COL4A3: variants seen among roughly 807,000 people sequenced by gnomAD.
The protein encoded by COL4A3 is collagen alpha-3(IV) chain.
Under a neutral mutation model 217.4 loss-of-function variants are expected in COL4A3, and 135 were observed. That is an observed-to-expected ratio of 0.62 (90% confidence interval 0.54 to 0.72). The LOEUF is 0.72. COL4A3 is among the 30% of genes least tolerant of loss of function. COL4A3 has a pLI of 0.00. For synonymous variants in COL4A3, 690 were observed against 736.3 expected (o/e 0.94, Z 1.02); for missense variants, 1,868 against 2,119.9 (o/e 0.88, Z 2.33).
intron 27 of COL4A3, 43 bp downstream of exon 27, chr2:227,276,520 C>T (rs749811863): frequency 1.5e-6 from 2 of 1,370,510 alleles, no homozygotes; most frequent in Non-Finnish European, 1.0e-6. Flanking sequence ...ATCAGACACA[C>T]ACAACACCCT....
Position 227,216,311 on chromosome 2 carries a change from A to G in COL4A3, c.88-21657A>G, listed in dbSNP as rs2125805253. 2.6e-5 allele frequency among the ~76,000 whole-genome samples: 4 copies of G among 152,292 alleles called. 1 individual carries two copies. In the South Asian group the frequency reaches 8.3e-4, roughly 32 times the overall value. On this transcript the variant is annotated intron_variant, in intron 1 of 51. Transcript: ENST00000396578. ...ATATATTTTATTGTAAAATGTACTGACTGGGTATATAAACGCCACCCTTTC... is the reference window on the plus strand; with the variant it reads ...ATATATTTTATTGTAAAATGTACTGGCTGGGTATATAAACGCCACCCTTTC...
intron 41 of COL4A3, 105 bp from the exon 42 acceptor site, chr2:227,297,569 A>G (rs1010022190): frequency 3.0e-6 from 3 of 1,000,170 alleles, no homozygotes; most frequent in Non-Finnish European, 4.5e-6. Context: ...TATATTCTGA[A>G]TCTGAACACT....
rs376295349 is a variant in COL4A3, at chr2:227,185,055, C to T, written c.87+20242C>T. 1.6e-4 allele frequency among the ~76,000 whole-genome samples: 24 copies of T among 151,990 alleles called. No homozygotes were observed. The East Asian group carries it at 4.1e-3, about 26-fold the overall frequency. On this transcript the variant is annotated intron_variant, in intron 1 of 51. Transcript: ENST00000396578. ...TAGCTGGGACTACAGGCGCCCGCCACACGCCCAGCTAATTTTTTGTATTTT... is the reference window on the plus strand; with the variant it reads ...TAGCTGGGACTACAGGCGCCCGCCATACGCCCAGCTAATTTTTTGTATTTT...
intron 1 of COL4A3, among the ~76,000 whole-genome samples, chr2:227,175,736 A>G (rs1031690161): frequency 2.0e-5 from 3 of 152,172 alleles, no homozygotes; most frequent in Admixed American, 1.3e-4. Flanking sequence ...AGGCCTCTAC[A>G]TGGCTGTCTA....
intron 41 of COL4A3, chr2:227,296,450 T>A (rs6436676): frequency 0.024 from 22,290 of 942,374 alleles, 384 homozygotes; most frequent in African/African-American, 0.08. Context: ...ATAGCCTAAT[T>A]ATGTAAGTGA....
intron 21 of COL4A3, 71 bp from the exon 22 acceptor site, chr2:227,266,346 C>CAT (rs1283029797): frequency 4.5e-6 from 5 of 1,110,722 alleles, no homozygotes; most frequent in African/African-American, 1.6e-5. Context: ...TTAAATAATA[C>CAT]ATATATTACA....
At position 227,164,788 on chromosome 2, in the gene COL4A3, T is replaced by TGGC; in HGVS notation, c.70_72dup (p.Ala24dup). 1 of 1,519,926 alleles carries TGGC rather than the reference T, an allele frequency of 6.6e-7. No homozygotes were observed. The highest frequency in any genetic ancestry group is 8.8e-7 in the Non-Finnish European group (1 of 1,140,868). The allele number at this position is 1,519,926 out of a possible 1,614,324, so 94.2% of individuals were successfully genotyped here. A position where few individuals can be genotyped will look rare whatever the true frequency, so the allele number is the denominator to read the frequency against. ...CTGCTGCCGCTCCTGCTGGTGCTCC[T>TGGC]GGCGGCGGCGCCCGCAGCCAGCAAG... On this transcript the variant is annotated inframe_insertion, in exon 1 of 52. Transcript: ENST00000396578. This position sits in a 1 kb window ranked among gnomAD's most constrained non-coding sequence, Gnocchi z 4.8.
chr2:227,189,758 G>A (rs1418512822), intron 1 of COL4A3, among the ~76,000 whole-genome samples: 1 of 152,094 alleles, frequency 6.6e-6, no homozygotes, highest in Non-Finnish European at 1.5e-5. Flanking sequence ...AGAAGTCATG[G>A]AGGTTTCAGG....
At position 227,290,088 on chromosome 2, in the gene COL4A3, G is replaced by A. The variant is rs1478328374; in HGVS notation, c.3070G>A (p.Gly1024Ser). The A allele has an allele frequency of 6.2e-7, 1 of 1,613,972 alleles. No homozygotes were observed. The highest frequency in any genetic ancestry group is 1.1e-5 in the South Asian group (1 of 91,084). Residue 1024 changes from glycine (G) to serine (S), a missense_variant and splice_region_variant, in exon 36 of 52, where the codon GGT becomes AGT. Around this residue, in one of 2 missense-constraint regions of COL4A3, gnomAD observed 1,503 missense variants for 1,786.1 expected, o/e 0.84. Coordinates refer to ENST00000396578, the MANE Select transcript of COL4A3 (RefSeq NM_000091.5). Reference protein sequence around the residue: ...PGSMGNMGMPGSKGKRGTLGF... With the variant: ...PGSMGNMGMPSSKGKRGTLGF... ...AAGCATGGGGAACATGGGCATGCCA[G>A]GTAATGCATAAGGTCCTGTTATGAG...
In COL4A3 at chr2:227,303,948, C is replaced by T; in HGVS notation, c.4027+18C>T. On this transcript the variant is annotated intron_variant, in intron 45 of 51. Coordinates refer to ENST00000396578, the MANE Select transcript of COL4A3 (RefSeq NM_000091.5). ...ACCACCTGGTAAATAAACGTCCTTA[C>T]TATTGCTGTCAATGAAGAAAGGTAA... is the stretch of plus-strand genomic sequence containing the variant. 4 of 1,614,244 alleles carry T rather than the reference C, an allele frequency of 2.5e-6. No individual in the cohort carries two copies. The highest frequency in any genetic ancestry group is 3.4e-6 in the Non-Finnish European group (4 of 1,180,038).
intron 51 of COL4A3, among the ~76,000 whole-genome samples, chr2:227,311,342 T>C (rs1343252623): frequency 6.6e-6 from 1 of 151,666 alleles, no homozygotes; most frequent in African/African-American, 2.4e-5. Context: ...ACTTCTTCCA[T>C]AAAGAGAAAT....
intron 42 of COL4A3, 28 bp from the exon 43 acceptor site, chr2:227,298,654 A>G: frequency 1.9e-6 from 3 of 1,613,042 alleles, no homozygotes; most frequent in Non-Finnish European, 2.5e-6. Context: ...CCTGGCTGGC[A>G]ATACTGACAG....
intron 1 of COL4A3, among the ~76,000 whole-genome samples, chr2:227,230,476 C>T (rs1336442248): frequency 1.3e-5 from 2 of 152,110 alleles, no homozygotes; most frequent in South Asian, 2.1e-4. Context: ...AAAAATGTTG[C>T]TTAAGAAATA....
chr2:227,222,019 C>T (rs2067814448), intron 1 of COL4A3, among the ~76,000 whole-genome samples: 1 of 151,518 alleles, frequency 6.6e-6, no homozygotes, highest in African/African-American at 2.4e-5. Context: ...CAGTGGTGCA[C>T]CTAAGTAGCT....
Position 227,249,230 on chromosome 2 carries a change from A to ATTTTTTTTTTTTTTT in COL4A3, c.546+719_546+733dup, listed in dbSNP as rs1247683938. On this transcript the variant is annotated intron_variant, in intron 9 of 51. Transcript: ENST00000396578. The stretch of plus-strand genomic sequence containing the variant: ...TTAGCTAGTATATATATATATATAT[A>ATTTTTTTTTTTTTTT]TTTTTTTTTTTTTTTTTTTTTTTGA... 4.1e-4 allele frequency among the ~76,000 whole-genome samples: 6 copies of ATTTTTTTTTTTTTTT among 14,692 alleles called. 1 individual carries two copies. Among genetic ancestry groups the ATTTTTTTTTTTTTTT allele is most frequent in the Non-Finnish European group, 6.2e-4 (5 of 8,024 alleles). The allele number at this position is 14,692 out of a possible 152,430, so 9.6% of individuals were successfully genotyped here.
chr2:227,229,981 G>A (rs1471675643), intron 1 of COL4A3, among the ~76,000 whole-genome samples: 6 of 151,618 alleles, frequency 4.0e-5, no homozygotes, highest in Admixed American at 3.9e-4. Context: ...AACTCGGGAG[G>A]TGGAGCTTGC....
chr2:227,284,332 A>T lies in COL4A3; in HGVS notation c.2868A>T (p.Glu956Asp), dbSNP rs777778320. 9.3e-6 allele frequency: 15 copies of T among 1,613,678 alleles called. No individual in the cohort carries two copies. The South Asian group carries it at 1.6e-4, about 18-fold the overall frequency. Residue 956 changes from glutamate (E) to aspartate (D), a missense_variant, in exon 34 of 52, where the codon GAA becomes GAT. Glu to Asp is a conservative substitution (Grantham distance 45, BLOSUM62 2). Transcript: ENST00000396578. ...CCCACGTAATAGGGGACAAAGGAGA[A>T]CCAGGTCTCAAAGGTAAAGAATTGC... ...EISHVIGDKGEPGLKGFAGNP... is the reference protein window; with the variant it reads ...EISHVIGDKGDPGLKGFAGNP...
intron 1 of COL4A3, among the ~76,000 whole-genome samples, chr2:227,204,418 G>A (rs1015760800): frequency 6.6e-6 from 1 of 150,698 alleles, no homozygotes; most frequent in Non-Finnish European, 1.5e-5. Flanking sequence ...CTCTTTTTAG[G>A]CTTCACACTT....
At chr2:227,257,764 T>C in intron 18 of COL4A3, 120 bp downstream of exon 18, 3 of 941,936 alleles carry the variant, frequency 3.2e-6, no homozygotes, top group South Asian at 2.7e-5. Context: ...ATTTACCTTG[T>C]TGTCAAACCA....
Sources: allele counts gnomAD v4.1 joint callset (sites outside exome capture counted in the v4.1 genomes callset), GRCh38; gene constraint gnomAD v4.1.1; regional missense constraint gnomAD v4.1.1; non-coding constraint Gnocchi (gnomAD v3.1); transcripts MANE v1.5; gene names NCBI Gene and HGNC (gene_info 2026-07-23, HGNC 2026-07-21).